TMEM38B: variants seen among roughly 807,000 people sequenced by gnomAD.
The protein encoded by TMEM38B is trimeric intracellular cation channel type B.
In TMEM38B, 24 loss-of-function variants were observed where a neutral mutation model predicts 28.7. The ratio of observed to expected loss-of-function variants is 0.84; its 90% confidence interval spans 0.61 to 1.18. The LOEUF (loss-of-function observed/expected upper bound fraction) is 1.18. Ranked by LOEUF, TMEM38B falls within the 50% of genes most tolerant of loss-of-function variation. TMEM38B has a pLI of 0.00. For missense variants in TMEM38B, 380 were observed against 350.9 expected (o/e 1.08, Z -0.66); for synonymous variants, 131 against 127.7 (o/e 1.03, Z -0.17).
At chr9:105,747,583 C>T (rs1837464724) in intron 4 of TMEM38B, among the ~76,000 whole-genome samples, 1 of 152,114 alleles carries the variant, frequency 6.6e-6, no homozygotes, top group African/African-American at 2.4e-5. Flanking sequence ...TCCTTCAGTT[C>T]TGCTTTGATC....
Position 105,694,732 on chromosome 9 carries a change from G to T in TMEM38B, c.72G>T (p.Ala24=). 6.2e-7 allele frequency: 1 copy of T among 1,613,410 alleles called. No homozygotes were observed. The highest frequency in any genetic ancestry group is 2.2e-5 in the East Asian group (1 of 44,796). Residue 24 remains alanine, a synonymous_variant, in exon 1 of 6, where the codon GCG becomes GCT. Coordinates refer to ENST00000374692, the MANE Select transcript of TMEM38B (RefSeq NM_018112.3). Reference sequence around the variant, plus strand: ...CCATGTTTCCCTTTTTTGACATCGCGCACTATCTAGTGTCAGTGATGGCGG... The same window carrying T: ...CCATGTTTCCCTTTTTTGACATCGCTCACTATCTAGTGTCAGTGATGGCGG... ...RTSMFPFFDI[A]HYLVSVMAVK...
At chr9:105,711,612 G>A (rs999862211) in intron 2 of TMEM38B, among the ~76,000 whole-genome samples, 1 of 152,058 alleles carries the variant, frequency 6.6e-6, no homozygotes, top group African/African-American at 2.4e-5. Context: ...TTGGGAGGCT[G>A]AGGCATCGCT....
intron 4 of TMEM38B, among the ~76,000 whole-genome samples, chr9:105,740,028 G>A (rs1837136955): frequency 6.7e-6 from 1 of 150,258 alleles, no homozygotes; most frequent in African/African-American, 2.5e-5. Flanking sequence ...GATTACAGGT[G>A]CACACCACCA....
intron 4 of TMEM38B, among the ~76,000 whole-genome samples, chr9:105,729,026 A>G (rs1427559129): frequency 6.6e-6 from 1 of 152,146 alleles, no homozygotes; most frequent in East Asian, 1.9e-4. Context: ...CCCGTTCTGT[A>G]GGTTGCCTGT....
chr9:105,763,818 T>C (rs1838159698), intron 5 of TMEM38B, among the ~76,000 whole-genome samples: 1 of 151,624 alleles, frequency 6.6e-6, no homozygotes. Flanking sequence ...TGAACATTGA[T>C]GCAAAAATCC....
At chr9:105,761,213 T>A (rs911646895) in intron 5 of TMEM38B, among the ~76,000 whole-genome samples, 7 of 152,202 alleles carry the variant, frequency 4.6e-5, no homozygotes, top group African/African-American at 9.6e-5. Flanking sequence ...GTGAGATAAT[T>A]CTCAGCTGCC....
At chr9:105,715,700 G>T (rs538674215) in intron 2 of TMEM38B, among the ~76,000 whole-genome samples, 14 of 151,850 alleles carry the variant, frequency 9.2e-5, no homozygotes, top group African/African-American at 3.4e-4. Flanking sequence ...TTTTGGAAAT[G>T]ATTTTTTTTC....
intron 4 of TMEM38B, among the ~76,000 whole-genome samples, chr9:105,734,199 C>T (rs7858409): frequency 0.21 from 32,007 of 151,792 alleles, 5,150 homozygotes; most frequent in East Asian, 0.46. Context: ...TTCTTTGACC[C>T]GTTGGTTGCC....
At chr9:105,726,229 T>C (rs1309566241) in intron 4 of TMEM38B, among the ~76,000 whole-genome samples, 1 of 152,184 alleles carries the variant, frequency 6.6e-6, no homozygotes, top group Non-Finnish European at 1.5e-5. Context: ...CTAGATCTTA[T>C]TCCTTCTAAC....
chr9:105,704,012 C>T (rs1835553101), intron 1 of TMEM38B, among the ~76,000 whole-genome samples: 1 of 143,676 alleles, frequency 7.0e-6, no homozygotes, highest in Non-Finnish European at 1.5e-5. Context: ...TATTCTCACT[C>T]ATAGGTGGGA....
At chr9:105,733,910 A>C (rs1369092855) in intron 4 of TMEM38B, among the ~76,000 whole-genome samples, 1 of 151,654 alleles carries the variant, frequency 6.6e-6, no homozygotes, top group East Asian at 1.9e-4. Flanking sequence ...CAAAAAACCA[A>C]CTCAGTTTGA....
intron 1 of TMEM38B, among the ~76,000 whole-genome samples, chr9:105,703,975 C>A (rs1170523107): frequency 6.6e-6 from 1 of 151,090 alleles, no homozygotes; most frequent in Admixed American, 6.6e-5. Context: ...AGTAAACTAT[C>A]GCAAGAACAA....
At chr9:105,700,291 A>C (rs990953364) in intron 1 of TMEM38B, among the ~76,000 whole-genome samples, 2 of 152,204 alleles carry the variant, frequency 1.3e-5, no homozygotes, top group Non-Finnish European at 2.9e-5. Context: ...ATAGTGTCAC[A>C]TAAGGTTGCA....
intron 4 of TMEM38B, among the ~76,000 whole-genome samples, chr9:105,746,936 A>G (rs1837422144): frequency 6.6e-6 from 1 of 152,252 alleles, no homozygotes; most frequent in African/African-American, 2.4e-5. Flanking sequence ...CCACTTGATC[A>G]TGGTGGATAA....
At chr9:105,741,765 A>G (rs931493177) in intron 4 of TMEM38B, among the ~76,000 whole-genome samples, 2 of 152,226 alleles carry the variant, frequency 1.3e-5, no homozygotes, top group African/African-American at 2.4e-5. Context: ...AATAAATGCT[A>G]CTAACCAAAC....
At chr9:105,725,624 C>A (rs1467617499) in intron 4 of TMEM38B, among the ~76,000 whole-genome samples, 1 of 152,048 alleles carries the variant, frequency 6.6e-6, no homozygotes, top group African/African-American at 2.4e-5. Flanking sequence ...AGGCTACAAA[C>A]CTTTACAGCA....
intron 4 of TMEM38B, among the ~76,000 whole-genome samples, chr9:105,733,290 C>G (rs1269069368): frequency 6.6e-6 from 1 of 152,242 alleles, no homozygotes; most frequent in Non-Finnish European, 1.5e-5. Flanking sequence ...TATAGCAACA[C>G]AAACAGCCAT....
intron 4 of TMEM38B, among the ~76,000 whole-genome samples, chr9:105,747,035 C>G (rs1280773183): frequency 6.6e-6 from 1 of 152,112 alleles, no homozygotes; most frequent in Non-Finnish European, 1.5e-5. Flanking sequence ...GTCTAAAATT[C>G]TCTTTTTTGG....
intron 5 of TMEM38B, among the ~76,000 whole-genome samples, chr9:105,761,543 A>G (rs1453048789): frequency 1.3e-4 from 20 of 152,144 alleles, no homozygotes; most frequent in Admixed American, 1.2e-3. Flanking sequence ...TCTCTTCTGT[A>G]AGGTATTTAT....
Sources: allele counts gnomAD v4.1 joint callset (sites outside exome capture counted in the v4.1 genomes callset), GRCh38; gene constraint gnomAD v4.1.1; transcripts MANE v1.5; gene names NCBI Gene and HGNC (gene_info 2026-07-23, HGNC 2026-07-21).